The following SAMD5 variants were observed in gnomAD, a reference collection of about 807,000 sequenced individuals.
SAMD5 encodes the protein sterile alpha motif domain containing 5.
In SAMD5, 13 loss-of-function variants were observed where a neutral mutation model predicts 11.3. The observed-to-expected ratio is 1.15, with a 90% confidence interval of 0.75 to 1.83. SAMD5 has a LOEUF of 1.83. Ranked by LOEUF, SAMD5 falls within the 40% of genes most tolerant of loss-of-function variation. The pLI, the probability that SAMD5 is intolerant of heterozygous loss-of-function variation, is 0.00. For synonymous variants in SAMD5, 129 were observed against 111.3 expected, an observed-to-expected ratio of 1.16 and a Z score of -1.00; for missense variants, 255 against 239.1, an observed-to-expected ratio of 1.07 and a Z score of -0.44.
At chr6:147,680,206 C>G (rs1790921839) in intron 1 of SAMD5, among the ~76,000 whole-genome samples, 1 of 152,060 alleles carries the variant, frequency 6.6e-6, no homozygotes, top group African/African-American at 2.4e-5. Flanking sequence ...TCTTCCTAAC[C>G]TTTCTCAGCT....
the SAMD5 span, among the ~76,000 whole-genome samples, chr6:147,901,281 A>G: frequency 6.6e-6 from 1 of 152,254 alleles, no homozygotes; most frequent in Non-Finnish European, 1.5e-5. Context: ...ATACATATCT[A>G]TGTGTTTATA....
chr6:147,790,891 T>C, the SAMD5 span, among the ~76,000 whole-genome samples: 1 of 151,036 alleles, frequency 6.6e-6, no homozygotes, highest in Non-Finnish European at 1.5e-5. Context: ...GGATGTCAGA[T>C]TGAACATCAG....
intron 1 of SAMD5, among the ~76,000 whole-genome samples, chr6:147,718,308 C>T (rs894227685): frequency 2.6e-5 from 4 of 152,064 alleles, no homozygotes; most frequent in Admixed American, 6.6e-5. Context: ...ATGGAAAAAC[C>T]GCCTAAATCA....
chr6:147,561,492 C>T (rs193021929), intron 1 of SAMD5, among the ~76,000 whole-genome samples: 9 of 152,202 alleles, frequency 5.9e-5, no homozygotes, highest in African/African-American at 1.9e-4. Flanking sequence ...GCCTGGCTGG[C>T]TTTCATGAAT....
the SAMD5 span, among the ~76,000 whole-genome samples, chr6:147,887,920 T>A: frequency 6.6e-6 from 1 of 152,218 alleles, no homozygotes; most frequent in African/African-American, 2.4e-5. Context: ...TGATGACTAA[T>A]GATGTTAAAC....
intron 1 of SAMD5, among the ~76,000 whole-genome samples, chr6:147,663,562 A>G (rs1790674890): frequency 6.6e-6 from 1 of 152,032 alleles, no homozygotes; most frequent in Non-Finnish European, 1.5e-5. Context: ...AGGTGGGTGG[A>G]TCACCTGAAG....
chr6:147,782,939 A>C, the SAMD5 span, among the ~76,000 whole-genome samples: 1 of 152,120 alleles, frequency 6.6e-6, no homozygotes, highest in South Asian at 2.1e-4. Flanking sequence ...ATTTAGGGAG[A>C]TGATTTTTGT....
the SAMD5 span, among the ~76,000 whole-genome samples, chr6:147,913,326 T>C: frequency 6.6e-6 from 1 of 152,144 alleles, no homozygotes; most frequent in Non-Finnish European, 1.5e-5. Flanking sequence ...TTGGTATGGA[T>C]GAAGCAGTTT....
At chr6:147,750,940 A>G in the SAMD5 span, among the ~76,000 whole-genome samples, 1 of 152,098 alleles carries the variant, frequency 6.6e-6, no homozygotes, top group African/African-American at 2.4e-5. Flanking sequence ...AAACAAACAA[A>G]CAAAACACTA....
chr6:147,899,189 A>AAAAAAAAAAAAAAAAAAAAG, the SAMD5 span, among the ~76,000 whole-genome samples: 13 of 123,454 alleles, frequency 1.1e-4, no homozygotes, highest in African/African-American at 4.1e-4. Flanking sequence ...AAAAAAAAAA[A>AAAAAAAAAAAAAAAAAAAAG]AAAAGATAAC....
At chr6:147,679,330 T>G (rs1790907980) in intron 1 of SAMD5, among the ~76,000 whole-genome samples, 1 of 152,118 alleles carries the variant, frequency 6.6e-6, no homozygotes, top group Non-Finnish European at 1.5e-5. Context: ...TGGCCAGACT[T>G]TTTCATTTTA....
At chr6:147,841,486 T>G in the SAMD5 span, among the ~76,000 whole-genome samples, 1 of 152,218 alleles carries the variant, frequency 6.6e-6, no homozygotes, top group Non-Finnish European at 1.5e-5. Context: ...TTTAATAGAA[T>G]GAGAGCTCAG....
At chr6:147,640,930 T>C (rs998941280) in intron 1 of SAMD5, among the ~76,000 whole-genome samples, 1 of 152,242 alleles carries the variant, frequency 6.6e-6, no homozygotes, top group Non-Finnish European at 1.5e-5. Context: ...TTAGCTTCCC[T>C]TGTCCTGCCT....
At chr6:147,851,571 G>C in the SAMD5 span, among the ~76,000 whole-genome samples, 2 of 152,136 alleles carry the variant, frequency 1.3e-5, no homozygotes, top group East Asian at 3.9e-4. Flanking sequence ...GTACGAAGTG[G>C]TCATGTTCTG....
At chr6:147,904,524 A>G in the SAMD5 span, among the ~76,000 whole-genome samples, 1 of 152,194 alleles carries the variant, frequency 6.6e-6, no homozygotes, top group Non-Finnish European at 1.5e-5. Flanking sequence ...GAACCATTAC[A>G]GTGTGGGTCT....
chr6:147,760,918 C>T, the SAMD5 span, among the ~76,000 whole-genome samples: 2 of 152,104 alleles, frequency 1.3e-5, no homozygotes, highest in African/African-American at 4.8e-5. Context: ...GAGGAAGAGA[C>T]AATTTGACAA....
intron 1 of SAMD5, among the ~76,000 whole-genome samples, chr6:147,609,231 T>C (rs1035900558): frequency 9.2e-5 from 14 of 152,154 alleles, no homozygotes; most frequent in Admixed American, 1.3e-4. Flanking sequence ...CCAATATGAC[T>C]TGTGTCCTCA....
chr6:147,895,064 A>G, the SAMD5 span, among the ~76,000 whole-genome samples: 76 of 152,346 alleles, frequency 5.0e-4, 1 homozygote, highest in African/African-American at 5.8e-4. Flanking sequence ...TTAAAAACCA[A>G]TAGCCTAACT....
chr6:147,565,991 A>G lies in SAMD5; in HGVS notation c.*1535A>G, dbSNP rs142650225. The G allele has an allele frequency of 1.6e-4, 161 of 985,208 alleles. No homozygotes were observed. In the African/African-American group the frequency reaches 2.6e-3, roughly 16 times the overall value. The allele number at this position is 985,208 out of a possible 1,614,324, so 61.0% of individuals were successfully genotyped here. A position where few individuals can be genotyped will look rare whatever the true frequency, so the allele number is the denominator to read the frequency against. On this transcript the variant is annotated 3_prime_UTR_variant, in exon 2 of 2. Coordinates refer to ENST00000367474, the MANE Select transcript of SAMD5 (RefSeq NM_001030060.3). Reference sequence around the variant, plus strand: ...ATGGTAAGAAGAATAAGAAACTCTCAAAGGAAAAGAAACTTACATTCACTT... The same window carrying G: ...ATGGTAAGAAGAATAAGAAACTCTCGAAGGAAAAGAAACTTACATTCACTT...
Sources: allele counts gnomAD v4.1 joint callset (sites outside exome capture counted in the v4.1 genomes callset), GRCh38; gene constraint gnomAD v4.1.1; transcripts MANE v1.5; gene names NCBI Gene and HGNC (gene_info 2026-07-23, HGNC 2026-07-21).